Variants in ADGRA1 observed in about 807,000 individuals in gnomAD.
ADGRA1 encodes adhesion G protein-coupled receptor A1, also known as G-protein coupled receptor 123.
In ADGRA1, 12 loss-of-function variants were observed where a neutral mutation model predicts 21.3. The observed-to-expected ratio is 0.56, with a 90% confidence interval of 0.36 to 0.91. The LOEUF (loss-of-function observed/expected upper bound fraction) is 0.91, where lower values mean the gene tolerates loss of function less well. Among genes scored for constraint, ADGRA1 ranks in the 40% least tolerant of loss-of-function variants. ADGRA1 has a pLI of 0.01. For synonymous variants in ADGRA1, 385 were observed against 368.8 expected, an observed-to-expected ratio of 1.04 and a Z score of -0.50; for missense variants, 790 against 805.6, an observed-to-expected ratio of 0.98 and a Z score of 0.23.
chr10:133,123,329 G>A (rs546393157), intron 5 of ADGRA1, among the ~76,000 whole-genome samples: 2 of 152,368 alleles, frequency 1.3e-5, no homozygotes, highest in African/African-American at 4.8e-5. Flanking sequence ...GCAGGAGCCT[G>A]TGTTTGTTCC....
intron 5 of ADGRA1, among the ~76,000 whole-genome samples, chr10:133,105,144 G>A (rs543370595): frequency 1.3e-5 from 2 of 152,294 alleles, no homozygotes; most frequent in Non-Finnish European, 2.9e-5. Flanking sequence ...AGAATCTTGC[G>A]GTCTGGGAGG....
chr10:133,126,396 G>C (rs2135910014), intron 5 of ADGRA1, among the ~76,000 whole-genome samples: 1 of 152,314 alleles, frequency 6.6e-6, no homozygotes, highest in South Asian at 2.1e-4. Flanking sequence ...ACTGCACCTT[G>C]GAGCCCACTG....
chr10:133,123,265 G>A (rs1055715805), intron 5 of ADGRA1, among the ~76,000 whole-genome samples: 17 of 152,322 alleles, frequency 1.1e-4, no homozygotes, highest in African/African-American at 1.9e-4. Context: ...TCTGTGAAGC[G>A]TGTGCAGGTC....
intron 2 of ADGRA1, chr10:133,095,778 C>T (rs754171171): frequency 1.3e-6 from 2 of 1,598,514 alleles, no homozygotes; most frequent in Admixed American, 1.7e-5. Flanking sequence ...CATCCCGACA[C>T]AGGTGACACT....
intron 5 of ADGRA1, among the ~76,000 whole-genome samples, chr10:133,113,300 T>C (rs936797675): frequency 6.6e-6 from 1 of 152,220 alleles, no homozygotes; most frequent in Non-Finnish European, 1.5e-5. Context: ...GGAAGTCCAA[T>C]GGCACCGCGG....
At chr10:133,111,072 CCAA>C (rs1591178463) in intron 5 of ADGRA1, among the ~76,000 whole-genome samples, 1 of 151,110 alleles carries the variant, frequency 6.6e-6, no homozygotes, top group East Asian at 1.9e-4. Flanking sequence ...CCTAATCCTG[CCAA>C]GCCACCTGCC....
intron 5 of ADGRA1, among the ~76,000 whole-genome samples, chr10:133,109,606 C>T (rs186086425): frequency 7.1e-4 from 108 of 152,282 alleles, no homozygotes; most frequent in Admixed American, 1.9e-3. Flanking sequence ...TTAAGTGAGA[C>T]CCCGACCTTC....
intron 4 of ADGRA1, among the ~76,000 whole-genome samples, chr10:133,099,263 A>G (rs12766466): frequency 2.8e-4 from 36 of 130,016 alleles, no homozygotes; most frequent in South Asian, 8.1e-4. Flanking sequence ...CGCCCCTCCC[A>G]GAGAAAGTGG....
chr10:133,095,588 C>G, intron 2 of ADGRA1: 3 of 1,523,290 alleles, frequency 2.0e-6, no homozygotes, highest in Non-Finnish European at 2.6e-6. Flanking sequence ...CAGTGCTGTT[C>G]GAACCCTGGG....
intron 4 of ADGRA1, among the ~76,000 whole-genome samples, chr10:133,101,499 CAG>C: frequency 6.6e-6 from 1 of 152,352 alleles, no homozygotes; most frequent in South Asian, 2.1e-4. Flanking sequence ...GTCCAGGACT[CAG>C]AGCTCTGCCA....
chr10:133,096,852 C>A, intron 2 of ADGRA1, 122 bp from the exon 3 acceptor site: 1 of 1,238,400 alleles, frequency 8.1e-7, no homozygotes. Context: ...CCCTGAGACC[C>A]CACACGAAAA....
chr10:133,093,243 T>C (rs41283465), intron 2 of ADGRA1: 21,051 of 1,587,530 alleles, frequency 0.013, 128 homozygotes, highest in African/African-American at 0.02. Context: ...TTCCCACCTC[T>C]CACTGCTGCA....
chr10:133,127,260 C>T lies in ADGRA1; in HGVS notation c.429C>T (p.Pro143=). 6.3e-7 allele frequency: 1 copy of T among 1,594,394 alleles called. No individual in the cohort carries two copies. The highest frequency in any genetic ancestry group is 1.4e-5 in the African/African-American group (1 of 73,646). ...TTTACCTCGTCAGCGGAGGGGTCCCCTTTATCATCTGTGGGGTCACGGCTG... is the reference window on the plus strand; with the variant it reads ...TTTACCTCGTCAGCGGAGGGGTCCCTTTTATCATCTGTGGGGTCACGGCTG... The part of the protein sequence containing the change: ...LRFYLVSGGV[P]FIICGVTAAT... The change falls in exon 6 of 7, where the codon CCC becomes CCT. Residue 143 remains proline (P), a synonymous_variant. Coordinates refer to ENST00000392607, the MANE Select transcript of ADGRA1 (RefSeq NM_001083909.3).
chr10:133,104,715 C>T (rs1393257376), intron 5 of ADGRA1, among the ~76,000 whole-genome samples: 1 of 152,158 alleles, frequency 6.6e-6, no homozygotes, highest in Non-Finnish European at 1.5e-5. Context: ...CCTGGCCTGC[C>T]TCGTCGCTCC....
At chr10:133,098,579 C>A in intron 3 of ADGRA1, 61 bp from the exon 4 acceptor site, 1 of 1,558,024 alleles carries the variant, frequency 6.4e-7, no homozygotes, top group South Asian at 1.2e-5. Flanking sequence ...AGGGGGCTCC[C>A]TTCCACGCCT....
chr10:133,116,940 G>A (rs1447612861), intron 5 of ADGRA1, among the ~76,000 whole-genome samples: 1 of 152,134 alleles, frequency 6.6e-6, no homozygotes, highest in African/African-American at 2.4e-5. Flanking sequence ...GGGCGGGGAG[G>A]GTAAAGGGCG....
At chr10:133,092,142 G>A (rs1487991213) in intron 2 of ADGRA1, among the ~76,000 whole-genome samples, 1 of 152,258 alleles carries the variant, frequency 6.6e-6, no homozygotes, top group African/African-American at 2.4e-5. Flanking sequence ...CAGGAGGTGG[G>A]AGGGGCCCGG....
intron 5 of ADGRA1, among the ~76,000 whole-genome samples, chr10:133,103,512 G>T (rs972377464): frequency 2.0e-5 from 3 of 152,206 alleles, no homozygotes; most frequent in African/African-American, 7.2e-5. Context: ...ACCAGCTGTT[G>T]GTCCCCATCC....
chr10:133,090,733 G>T (rs1851584773), intron 2 of ADGRA1, among the ~76,000 whole-genome samples: 1 of 152,024 alleles, frequency 6.6e-6, no homozygotes, highest in Non-Finnish European at 1.5e-5. Context: ...CCTGACGCCT[G>T]CCAGGGGCAA....
Sources: allele counts gnomAD v4.1 joint callset (sites outside exome capture counted in the v4.1 genomes callset), GRCh38; gene constraint gnomAD v4.1.1; transcripts MANE v1.5; gene names NCBI Gene and HGNC (gene_info 2026-07-23, HGNC 2026-07-21).